The following DAPK1 variants were observed in gnomAD, a reference collection of about 807,000 sequenced individuals.
DAPK1 encodes death-associated protein kinase 1.
DAPK1 carries 56 observed loss-of-function variants against 144.9 expected under a neutral mutation model. That is an observed-to-expected ratio of 0.39 (90% CI 0.31 to 0.48). The LOEUF (loss-of-function observed/expected upper bound fraction) is 0.48, where lower values mean the gene tolerates loss of function less well. DAPK1 is among the 20% of genes least tolerant of loss of function. DAPK1 has a pLI of 0.95. For missense variants in DAPK1, 1,454 were observed against 1,875.4 expected (o/e 0.78, Z 4.15); for synonymous variants, 690 against 749.0 (o/e 0.92, Z 1.29).
intron 2 of DAPK1, among the ~76,000 whole-genome samples, chr9:87,565,409 G>A (rs997382878): frequency 4.6e-5 from 7 of 152,172 alleles, no homozygotes; most frequent in African/African-American, 7.2e-5. Flanking sequence ...AGAGGAGCTC[G>A]AGGGATGATG....
At position 87,546,267 on chromosome 9, in the gene DAPK1, AG is replaced by A. The variant is rs368536231; in HGVS notation, c.62+47131del. Among the ~76,000 whole-genome samples the A allele has an allele frequency of 6.3e-4, 96 of 152,318 alleles. 1 individual carries two copies. The South Asian group carries it at 0.013, about 20-fold the overall frequency. ...GTGATGCAAGGCCCCAAGAAGCAGC[AG>A]GGTCCGTCAGGAGGCAGTGGGAGTG... On this transcript the variant is annotated intron_variant, in intron 2 of 25. Coordinates refer to ENST00000408954, the MANE Select transcript of DAPK1 (RefSeq NM_004938.4).
rs1830270869 is a variant in DAPK1, at chr9:87,646,466, G to T, written c.1137G>T (p.Gly379=). 1 of 1,612,214 alleles carries T rather than the reference G, an allele frequency of 6.2e-7. No homozygotes were observed. Among genetic ancestry groups the T allele is most frequent in the African/African-American group, 1.3e-5 (1 of 74,840 alleles). ...NYDVNQPNKH[G]TPPLLIAAGC... is the part of the protein sequence containing the mutation. ...TTTTTTCTTGCCTATTCTAGCACGGGACACCTCCATTACTCATTGCTGCTG... is the reference window on the plus strand; with the variant it reads ...TTTTTTCTTGCCTATTCTAGCACGGTACACCTCCATTACTCATTGCTGCTG... Residue 379 remains glycine (G), a synonymous_variant, in exon 13 of 26, where the codon GGG becomes GGT. Transcript: ENST00000408954.
intron 2 of DAPK1, among the ~76,000 whole-genome samples, chr9:87,551,958 A>G (rs533086499): frequency 7.9e-5 from 12 of 151,920 alleles, no homozygotes. Flanking sequence ...CAACAACTAC[A>G]CTCTAGAATA....
At position 87,639,519 on chromosome 9, in the gene DAPK1, A is replaced by G. The variant is rs766529469; in HGVS notation, c.553+36A>G. On this transcript the variant is annotated intron_variant, in intron 5 of 25. Transcript: ENST00000408954. ...TTGCTCCTGTGGTCATTTACGTCTC[A>G]TAAACATTATTCTGGCAAACCTCCC... is the stretch of plus-strand genomic sequence containing the variant. 6 of 1,610,452 alleles carry G rather than the reference A, an allele frequency of 3.7e-6. No individual in the cohort carries two copies. In the East Asian group the frequency reaches 1.3e-4, roughly 36 times the overall value.
At chr9:87,595,607 C>T (rs1324009583) in intron 2 of DAPK1, among the ~76,000 whole-genome samples, 53 of 152,242 alleles carry the variant, frequency 3.5e-4, no homozygotes, top group Admixed American at 3.4e-3. Context: ...AATACCAAAC[C>T]AGTGCGTGGA....
At chr9:87,692,349 T>G (rs1446527150) in intron 21 of DAPK1, among the ~76,000 whole-genome samples, 1 of 152,128 alleles carries the variant, frequency 6.6e-6, no homozygotes, top group African/African-American at 2.4e-5. Context: ...CCCTTTACTT[T>G]CAATCTATAT....
chr9:87,536,055 T>C (rs1366886524), intron 2 of DAPK1, among the ~76,000 whole-genome samples: 1 of 152,246 alleles, frequency 6.6e-6, no homozygotes, highest in Non-Finnish European at 1.5e-5. Context: ...GAAATGGGGC[T>C]TGCCAGCTGA....
chr9:87,581,206 C>G (rs1463386098), intron 2 of DAPK1, among the ~76,000 whole-genome samples: 1 of 152,192 alleles, frequency 6.6e-6, no homozygotes, highest in East Asian at 1.9e-4. Flanking sequence ...CACCTCTGTT[C>G]CTTGGACACA....
At chr9:87,603,899 G>A (rs1828616401) in intron 2 of DAPK1, among the ~76,000 whole-genome samples, 1 of 152,170 alleles carries the variant, frequency 6.6e-6, no homozygotes, top group African/African-American at 2.4e-5. Context: ...ATATGGGAAA[G>A]GGAATCTGGT....
At chr9:87,669,530 T>C (rs1226417791) in intron 19 of DAPK1, among the ~76,000 whole-genome samples, 2 of 142,398 alleles carry the variant, frequency 1.4e-5, no homozygotes, top group Non-Finnish European at 3.0e-5. Flanking sequence ...TTTTTTAAAA[T>C]GTTATAACAA....
intron 2 of DAPK1, among the ~76,000 whole-genome samples, chr9:87,601,123 C>T (rs1828500170): frequency 6.6e-6 from 1 of 152,182 alleles, no homozygotes; most frequent in Admixed American, 6.5e-5. Flanking sequence ...CCCAGCTGCC[C>T]AGGAAGGAAG....
chr9:87,497,946 C>A lies in DAPK1; in HGVS notation c.-270C>A. On this transcript the variant is annotated 5_prime_UTR_variant, in exon 1 of 26. Transcript: ENST00000408954. ...CCTCCGCGGAGGGGACTCGGCAACT[C>A]GCAGCGGCAGGGTCTGGGGCCGGCG... The A allele has an allele frequency of 2.5e-6, 1 of 396,678 alleles. No homozygotes were observed. Among genetic ancestry groups the A allele is most frequent in the African/African-American group, 2.1e-5 (1 of 48,698 alleles). 24.6% of individuals were successfully genotyped at this position (396,678 alleles called of 1,614,324 possible).
At chr9:87,671,907 A>T (rs1312123187) in intron 19 of DAPK1, among the ~76,000 whole-genome samples, 1 of 152,194 alleles carries the variant, frequency 6.6e-6, no homozygotes, top group African/African-American at 2.4e-5. Flanking sequence ...ATGTAGAAGC[A>T]AAGTACAGAG....
chr9:87,634,134 A>G (rs1234852265), intron 3 of DAPK1, among the ~76,000 whole-genome samples: 1 of 152,260 alleles, frequency 6.6e-6, no homozygotes, highest in Non-Finnish European at 1.5e-5. Flanking sequence ...AGCCACACCC[A>G]TCATGTACAT....
chr9:87,620,322 C>T (rs1364984704), intron 3 of DAPK1, among the ~76,000 whole-genome samples: 1 of 152,208 alleles, frequency 6.6e-6, no homozygotes, highest in East Asian at 1.9e-4. Context: ...TCCCCTTTTC[C>T]ATCGCTTCCT....
At chr9:87,551,733 C>T (rs763697136) in intron 2 of DAPK1, among the ~76,000 whole-genome samples, 4 of 152,148 alleles carry the variant, frequency 2.6e-5, no homozygotes, top group Admixed American at 6.5e-5. Flanking sequence ...GGCCCATGAA[C>T]TCTCTCAGGG....
intron 19 of DAPK1, among the ~76,000 whole-genome samples, chr9:87,678,338 A>G (rs1242428957): frequency 2.0e-5 from 3 of 152,214 alleles, no homozygotes; most frequent in African/African-American, 7.2e-5. Flanking sequence ...AATATGCTGG[A>G]TGTCAGCATG....
intron 17 of DAPK1, 102 bp downstream of exon 17, chr9:87,651,826 C>T (rs1018697085): frequency 1.6e-5 from 15 of 942,518 alleles, no homozygotes; most frequent in Non-Finnish European, 2.5e-5. Flanking sequence ...GGTCCTGATT[C>T]TGTGTCCTCC....
At chr9:87,697,303 G>T in intron 22 of DAPK1, 99 bp downstream of exon 22, 1 of 691,434 alleles carries the variant, frequency 1.4e-6, no homozygotes, top group Non-Finnish European at 2.7e-6. Context: ...CACTGCTGCT[G>T]CTGGCCTTGC....
Sources: gnomAD v4.1 joint callset for allele counts (sites outside exome capture counted in the v4.1 genomes callset) on GRCh38, gnomAD v4.1.1 for gene constraint, MANE v1.5 for transcripts, NCBI Gene and HGNC (gene_info 2026-07-23, HGNC 2026-07-21) for gene names.